Variants in PTPRD observed in about 807,000 individuals in gnomAD.
PTPRD encodes the protein receptor-type tyrosine-protein phosphatase delta.
PTPRD carries 34 observed loss-of-function variants against 214.5 expected under a neutral mutation model. The ratio of observed to expected loss-of-function variants is 0.16; its 90% CI spans 0.12 to 0.21. The LOEUF (loss-of-function observed/expected upper bound fraction) is 0.21, where lower values mean the gene tolerates loss of function less well. Among genes scored for constraint, PTPRD ranks in the 10% least tolerant of loss-of-function variants. PTPRD has a pLI of 1.00. For missense variants in PTPRD, 2,545 were observed against 2,398.7 expected, an observed-to-expected ratio of 1.06 and a Z score of -1.27; for synonymous variants, 1,128 against 845.7, an observed-to-expected ratio of 1.33 and a Z score of -5.79.
chr9:8,477,630 C>T (rs921223497), intron 30 of PTPRD, among the ~76,000 whole-genome samples: 5 of 152,052 alleles, frequency 3.3e-5, no homozygotes, highest in African/African-American at 4.8e-5. Flanking sequence ...CTGGCTTTAC[C>T]GCTCCTTAAA....
intron 35 of PTPRD, among the ~76,000 whole-genome samples, chr9:8,414,550 GT>G (rs940763608): frequency 1.7e-4 from 26 of 152,026 alleles, no homozygotes; most frequent in African/African-American, 6.0e-4. Context: ...TATGTTGGGA[GT>G]TATAGGGAGA....
At chr9:8,324,323 T>C (rs1166458778) in intron 44 of PTPRD, among the ~76,000 whole-genome samples, 1 of 152,092 alleles carries the variant, frequency 6.6e-6, no homozygotes, top group African/African-American at 2.4e-5. Context: ...ACTATTCCAC[T>C]CCCACTTATA....
chr9:9,482,091 G>A (rs1311850267), intron 8 of PTPRD, among the ~76,000 whole-genome samples: 5 of 152,082 alleles, frequency 3.3e-5, no homozygotes, highest in Non-Finnish European at 4.4e-5. Flanking sequence ...GCAGTTCCCC[G>A]AGAAGACAGG....
intron 14 of PTPRD, among the ~76,000 whole-genome samples, chr9:8,538,042 G>C (rs1439221106): frequency 6.6e-6 from 1 of 151,904 alleles, no homozygotes; most frequent in Non-Finnish European, 1.5e-5. Flanking sequence ...ATTAATACCT[G>C]AACGTTTAAC....
At position 10,198,953 on chromosome 9, in the gene PTPRD, T is replaced by C. The variant is rs1226044571; in HGVS notation, c.-545+142010A>G. Among the ~76,000 whole-genome samples the C allele has an allele frequency of 2.6e-5, 4 of 152,124 alleles. No homozygotes were observed. In the East Asian group the frequency reaches 7.7e-4, roughly 29 times the overall value. ...ATTGTCCTTTTAAACTTTGAATGGT[T>C]CAAATTTTGCTAAGTGATGTTCACA... On this transcript the variant is annotated intron_variant, in intron 3 of 45. Transcript: ENST00000381196.
intron 10 of PTPRD, among the ~76,000 whole-genome samples, chr9:9,089,763 G>C (rs946871260): frequency 2.0e-5 from 3 of 152,114 alleles, no homozygotes; most frequent in African/African-American, 7.2e-5. Flanking sequence ...GTCAGGGCTG[G>C]GGAAAATAGT....
At chr9:10,467,094 C>A (rs1169203864) in intron 2 of PTPRD, among the ~76,000 whole-genome samples, 4 of 152,136 alleles carry the variant, frequency 2.6e-5, no homozygotes, top group African/African-American at 9.7e-5. Context: ...GAAGACATTG[C>A]CAGTTGTTTT....
rs551090481 is a variant in PTPRD at position 10,389,790 on chromosome 9, T to C, written c.-599-48773A>G. ...CTTTACAAACATGCTTTCATATTAG[T>C]TCGGTTTCTCCATGTAATTTTAAAT... On this transcript the variant is annotated intron_variant, in intron 2 of 45. Coordinates refer to ENST00000381196, the MANE Select transcript of PTPRD (RefSeq NM_002839.4). 4.8e-4 allele frequency among the ~76,000 whole-genome samples: 73 copies of C among 151,858 alleles called. 1 individual carries two copies. The highest frequency in any genetic ancestry group is 3.1e-4 in the Non-Finnish European group (21 of 67,906).
chr9:9,383,933 T>A (rs940342073), intron 9 of PTPRD, among the ~76,000 whole-genome samples: 4 of 151,962 alleles, frequency 2.6e-5, no homozygotes, highest in African/African-American at 9.7e-5. Context: ...CAATGCTTGT[T>A]CCAGAAGTGA....
chr9:8,904,681 A>G (rs1022113015), intron 11 of PTPRD, among the ~76,000 whole-genome samples: 1 of 151,968 alleles, frequency 6.6e-6, no homozygotes, highest in Non-Finnish European at 1.5e-5. Context: ...AAAAAAAAAA[A>G]AAAGCTACAC....
At chr9:10,607,192 C>A (rs1411687370) in intron 2 of PTPRD, among the ~76,000 whole-genome samples, 1 of 151,672 alleles carries the variant, frequency 6.6e-6, no homozygotes, top group African/African-American at 2.4e-5. Context: ...ATTTTTGCTT[C>A]ATGGTTATTT....
chr9:9,147,203 T>TA (rs5896302), intron 10 of PTPRD, among the ~76,000 whole-genome samples: 45,811 of 151,340 alleles, frequency 0.3, 8,083 homozygotes, highest in Non-Finnish European at 0.4. Context: ...TGCAGAGTCC[T>TA]AAAAACCTGA....
In PTPRD at chr9:8,956,892, G is replaced by A. The variant is rs909792207; in HGVS notation, c.-104+61805C>T. On this transcript the variant is annotated intron_variant, in intron 11 of 45. Transcript: ENST00000381196. ...GCCCCACTCAAGACTAATTATTTGG[G>A]AGGCCTAAACATTGCTATTTTTTGA... 3.3e-5 allele frequency among the ~76,000 whole-genome samples: 5 copies of A among 151,950 alleles called. No homozygotes were observed. In the East Asian group the frequency reaches 9.7e-4, roughly 29 times the overall value.
At chr9:9,315,723 C>G (rs918830100) in intron 9 of PTPRD, among the ~76,000 whole-genome samples, 1 of 148,114 alleles carries the variant, frequency 6.8e-6, no homozygotes, top group Non-Finnish European at 1.5e-5. Context: ...GTCTAAAAAA[C>G]AAAGGAAGAA....
intron 10 of PTPRD, among the ~76,000 whole-genome samples, chr9:9,030,276 C>CTGTTTTTTTT (rs2099600516): frequency 2.6e-5 from 1 of 37,920 alleles, no homozygotes; most frequent in African/African-American, 1.1e-4. Flanking sequence ...CACACTTGGG[C>CTGTTTTTTTT]TTTTTTTTTT....
At chr9:9,459,659 A>G (rs1023032907) in intron 8 of PTPRD, among the ~76,000 whole-genome samples, 1 of 152,168 alleles carries the variant, frequency 6.6e-6, no homozygotes, top group East Asian at 1.9e-4. Flanking sequence ...GACCTCTACA[A>G]CAAGAAGTAT....
intron 20 of PTPRD, 132 bp downstream of exon 20, chr9:8,521,145 G>C: frequency 9.2e-7 from 1 of 1,084,106 alleles, no homozygotes; most frequent in South Asian, 1.7e-5. Flanking sequence ...CCACAGATAT[G>C]ATTAGGTTAT....
At chr9:10,052,956 AATTC>A (rs758847225) in intron 3 of PTPRD, among the ~76,000 whole-genome samples, 30 of 152,128 alleles carry the variant, frequency 2.0e-4, no homozygotes, top group Non-Finnish European at 3.5e-4. Context: ...ATATTTCAAT[AATTC>A]TTTACATGTA....
chr9:9,747,460 C>T (rs1179792772), intron 6 of PTPRD, among the ~76,000 whole-genome samples: 1 of 151,758 alleles, frequency 6.6e-6, no homozygotes, highest in Non-Finnish European at 1.5e-5. Flanking sequence ...AAAACTGGGG[C>T]TGAAAATTAA....
Sources: gnomAD v4.1 joint callset for allele counts (sites outside exome capture counted in the v4.1 genomes callset) on GRCh38, gnomAD v4.1.1 for gene constraint, MANE v1.5 for transcripts, NCBI Gene and HGNC (gene_info 2026-07-23, HGNC 2026-07-21) for gene names.